The following B3GALT1 variants were observed in gnomAD, a reference collection of about 807,000 sequenced individuals.
B3GALT1 encodes the protein UDP-Gal:betaGlcNAc beta 1,3-galactosyltransferase, polypeptide 1.
B3GALT1 carries 10 observed loss-of-function variants against 23.2 expected under a neutral mutation model. The ratio of observed to expected loss-of-function variants is 0.43; its 90% CI spans 0.27 to 0.73. The LOEUF is 0.73. Among genes scored for constraint, B3GALT1 ranks in the 30% least tolerant of loss-of-function variants. The pLI is 0.21. For synonymous variants in B3GALT1, 156 were observed against 141.5 expected, an observed-to-expected ratio of 1.10 and a Z score of -0.73; for missense variants, 299 against 405.4, an observed-to-expected ratio of 0.74 and a Z score of 2.25.
At chr2:167,398,466 A>C (rs912247733) in intron 1 of B3GALT1, among the ~76,000 whole-genome samples, 1 of 151,988 alleles carries the variant, frequency 6.6e-6, no homozygotes, top group Non-Finnish European at 1.5e-5. Flanking sequence ...TAAAATGATA[A>C]TAGCTAATAG....
chr2:167,866,966 G>A lies in B3GALT1; in HGVS notation c.-229-1845G>A, dbSNP rs112644914. On this transcript the variant is annotated intron_variant, in intron 4 of 4. Coordinates refer to ENST00000392690, the MANE Select transcript of B3GALT1 (RefSeq NM_020981.4). ...TTTTGAGACGGAGTCTCACTTTGTC[G>A]CCCAGGCTGGAGTGCAGTGGCGCAA... is the stretch of plus-strand genomic sequence containing the variant. 2.9e-3 allele frequency among the ~76,000 whole-genome samples: 434 copies of A among 151,710 alleles called. 2 individuals are homozygous for A. Among genetic ancestry groups the A allele is most frequent in the Non-Finnish European group, 5.1e-3 (348 of 67,898 alleles).
At chr2:167,587,300 AT>A (rs1684599331) in intron 2 of B3GALT1, among the ~76,000 whole-genome samples, 1 of 152,192 alleles carries the variant, frequency 6.6e-6, no homozygotes, top group African/African-American at 2.4e-5. Context: ...CCATATTATC[AT>A]TTTATTGATT....
chr2:167,629,143 G>A (rs1685396328), intron 2 of B3GALT1, among the ~76,000 whole-genome samples: 1 of 150,590 alleles, frequency 6.6e-6, no homozygotes, highest in South Asian at 2.1e-4. Context: ...TGGCTTTTCA[G>A]ATATTGTTTT....
intron 3 of B3GALT1, among the ~76,000 whole-genome samples, chr2:167,743,411 A>G (rs935257294): frequency 6.6e-6 from 1 of 152,114 alleles, no homozygotes; most frequent in African/African-American, 2.4e-5. Flanking sequence ...TTTTTGCTAA[A>G]TAAGAAAACA....
At chr2:167,779,093 A>G (rs557141360) in intron 3 of B3GALT1, among the ~76,000 whole-genome samples, 1 of 152,218 alleles carries the variant, frequency 6.6e-6, no homozygotes, top group East Asian at 1.9e-4. Flanking sequence ...AAGCCCAGGA[A>G]AGCATTAAGA....
At chr2:167,360,239 G>A (rs1697479298) in intron 1 of B3GALT1, among the ~76,000 whole-genome samples, 1 of 152,070 alleles carries the variant, frequency 6.6e-6, no homozygotes, top group Admixed American at 6.6e-5. Context: ...CTGTAGGTTA[G>A]GAACTGTTAT....
intron 3 of B3GALT1, among the ~76,000 whole-genome samples, chr2:167,740,338 G>A (rs1013130955): frequency 2.1e-4 from 32 of 151,986 alleles, no homozygotes; most frequent in Admixed American, 2.1e-3. Context: ...AATTTTCAGA[G>A]TTCTTTGGCC....
At chr2:167,319,415 A>G (rs991931779) in intron 1 of B3GALT1, among the ~76,000 whole-genome samples, 2 of 152,112 alleles carry the variant, frequency 1.3e-5, no homozygotes, top group East Asian at 3.9e-4. Flanking sequence ...ATCATGCACA[A>G]ATGCAGCAAA....
At chr2:167,807,688 T>A (rs1330421714) in intron 3 of B3GALT1, among the ~76,000 whole-genome samples, 1 of 152,228 alleles carries the variant, frequency 6.6e-6, no homozygotes, top group Non-Finnish European at 1.5e-5. Flanking sequence ...CACAGTTTGT[T>A]ATAATTTCTG....
At chr2:167,308,768 G>A (rs868387552) in intron 1 of B3GALT1, among the ~76,000 whole-genome samples, 2 of 151,900 alleles carry the variant, frequency 1.3e-5, no homozygotes, top group Admixed American at 6.6e-5. Context: ...AAATCAGATC[G>A]GATATGAGAA....
chr2:167,815,572 G>A (rs1688979450), intron 3 of B3GALT1, among the ~76,000 whole-genome samples: 1 of 152,136 alleles, frequency 6.6e-6, no homozygotes, highest in Admixed American at 6.5e-5. Context: ...TAAATCTCAT[G>A]TCCAAATATT....
chr2:167,543,621 A>G (rs1450475312), intron 2 of B3GALT1, among the ~76,000 whole-genome samples: 1 of 152,246 alleles, frequency 6.6e-6, no homozygotes, highest in Non-Finnish European at 1.5e-5. Context: ...GGTTATTTAC[A>G]TTATAGAATA....
chr2:167,637,708 T>C (rs1685583184), intron 2 of B3GALT1, among the ~76,000 whole-genome samples: 1 of 152,038 alleles, frequency 6.6e-6, no homozygotes, highest in African/African-American at 2.4e-5. Context: ...CTCTGCCTTA[T>C]ATGATCAATT....
chr2:167,406,158 A>G (rs924491148), intron 1 of B3GALT1, among the ~76,000 whole-genome samples: 3 of 152,218 alleles, frequency 2.0e-5, no homozygotes, highest in African/African-American at 7.2e-5. Flanking sequence ...GCAAAAAGCA[A>G]TTCCATAGAG....
intron 2 of B3GALT1, among the ~76,000 whole-genome samples, chr2:167,638,286 C>T (rs1226903): frequency 0.98 from 148,784 of 152,192 alleles, 72,822 homozygotes; most frequent in Middle Eastern, 1. Flanking sequence ...CACCGTGAAG[C>T]AGCACTGCTA....
chr2:167,314,436 A>G (rs1399521560), intron 1 of B3GALT1, among the ~76,000 whole-genome samples: 1 of 152,140 alleles, frequency 6.6e-6, no homozygotes, highest in Non-Finnish European at 1.5e-5. Context: ...TTCTCTGCTC[A>G]TATATGTTTG....
chr2:167,465,934 A>C (rs988919274), intron 1 of B3GALT1, among the ~76,000 whole-genome samples: 1 of 151,976 alleles, frequency 6.6e-6, no homozygotes, highest in African/African-American at 2.4e-5. Context: ...CTTTCTCACA[A>C]TGACTTTTGT....
At chr2:167,713,620 A>G in intron 3 of B3GALT1, 1 of 1,092,866 alleles carries the variant, frequency 9.2e-7, no homozygotes, top group South Asian at 1.5e-5. Flanking sequence ...AAATGAGATC[A>G]GTCAAAGTTG....
chr2:167,563,741 G>A (rs1482320942), intron 2 of B3GALT1, among the ~76,000 whole-genome samples: 1 of 16,650 alleles, frequency 6.0e-5, no homozygotes, highest in Non-Finnish European at 8.2e-5. Flanking sequence ...CCGGGCAGAG[G>A]CGCCCCTCAC....
Sources: gnomAD v4.1 joint callset for allele counts (sites outside exome capture counted in the v4.1 genomes callset) on GRCh38, gnomAD v4.1.1 for gene constraint, MANE v1.5 for transcripts, NCBI Gene and HGNC (gene_info 2026-07-23, HGNC 2026-07-21) for gene names.